Variants in CNNM2 observed in about 807,000 individuals in gnomAD.
The protein encoded by CNNM2 is metal transporter CNNM2.
Under a neutral mutation model 66.9 loss-of-function variants are expected in CNNM2, and 12 were observed. That is an observed-to-expected ratio of 0.18 (90% CI 0.11 to 0.29). The LOEUF is 0.29. CNNM2 is among the 10% of genes least tolerant of loss of function. The pLI is 1.00. For synonymous variants in CNNM2, 557 were observed against 501.8 expected (o/e 1.11, Z -1.47); for missense variants, 705 against 1,167.7 (o/e 0.60, Z 5.77).
Position 103,009,982 on chromosome 10 carries a change from G to A in CNNM2, c.1622-39725G>A, listed in dbSNP as rs749928311. ...ATTAGAGACAAAAATTGCGAAGAAC[G>A]TATTAAACTTCACTAATACAGATTA... On this transcript the variant is annotated intron_variant, in intron 1 of 7. Coordinates refer to ENST00000369878, the MANE Select transcript of CNNM2 (RefSeq NM_017649.5). 4.6e-5 allele frequency among the ~76,000 whole-genome samples: 7 copies of A among 151,298 alleles called. No homozygotes were observed. In the East Asian group the frequency reaches 1.2e-3, roughly 25 times the overall value.
intron 1 of CNNM2, among the ~76,000 whole-genome samples, chr10:102,982,199 G>A (rs2063730316): frequency 1.3e-5 from 2 of 152,128 alleles, no homozygotes; most frequent in African/African-American, 4.8e-5. Flanking sequence ...TATTAGGTAA[G>A]ATTCTCCTTT....
chr10:103,037,766 G>A (rs560462532), intron 1 of CNNM2, among the ~76,000 whole-genome samples: 3 of 152,238 alleles, frequency 2.0e-5, no homozygotes, highest in African/African-American at 7.2e-5. Flanking sequence ...GTTTAAATGC[G>A]ATTTGTAGAT....
At chr10:103,047,120 A>G (rs967193815) in intron 1 of CNNM2, among the ~76,000 whole-genome samples, 1 of 152,204 alleles carries the variant, frequency 6.6e-6, no homozygotes, top group African/African-American at 2.4e-5. Context: ...TTTGTTTTCA[A>G]ATAATAGAAT....
In CNNM2 at chr10:103,086,458, T is replaced by C. The variant is rs2065812975; in HGVS notation, c.*9278T>C. 3 of 123,348 alleles carry C rather than the reference T, an allele frequency of 2.4e-5. No individual in the cohort carries two copies. The highest frequency in any genetic ancestry group is 1.6e-4 in the Admixed American group (2 of 12,430). The allele number at this position is 123,348 out of a possible 1,614,324, so 7.6% of individuals were successfully genotyped here. On this transcript the variant is annotated 3_prime_UTR_variant, in exon 8 of 8. Coordinates refer to ENST00000369878, the MANE Select transcript of CNNM2 (RefSeq NM_017649.5). Reference sequence around the variant, plus strand: ...TCCTACCCTAATACAGACTTAAATATGTAGTTGTCTCAGGCTATTCGTGGT... The same window carrying C: ...TCCTACCCTAATACAGACTTAAATACGTAGTTGTCTCAGGCTATTCGTGGT...
At chr10:102,956,886 G>T (rs1438709160) in intron 1 of CNNM2, among the ~76,000 whole-genome samples, 1 of 152,158 alleles carries the variant, frequency 6.6e-6, no homozygotes, top group Admixed American at 6.6e-5. Context: ...TAATGTAAAC[G>T]ACGAGTTAAT....
intron 1 of CNNM2, among the ~76,000 whole-genome samples, chr10:102,989,920 C>T (rs1204658961): frequency 2.6e-5 from 4 of 151,728 alleles, no homozygotes; most frequent in Non-Finnish European, 4.4e-5. Context: ...ATAATTATAA[C>T]AGCCTCTTAC....
At chr10:102,977,090 A>G (rs1225446970) in intron 1 of CNNM2, among the ~76,000 whole-genome samples, 1 of 152,180 alleles carries the variant, frequency 6.6e-6, no homozygotes, top group Non-Finnish European at 1.5e-5. Context: ...AAAGACATTA[A>G]CATCTGTAAA....
intron 2 of CNNM2, among the ~76,000 whole-genome samples, chr10:103,052,253 C>T (rs1290337997): frequency 6.6e-6 from 1 of 150,454 alleles, no homozygotes; most frequent in East Asian, 2.0e-4. Context: ...TGCACTCCAG[C>T]CTGGCGACAG....
chr10:102,982,960 T>A (rs1289387609), intron 1 of CNNM2, among the ~76,000 whole-genome samples: 1 of 152,218 alleles, frequency 6.6e-6, no homozygotes, highest in Non-Finnish European at 1.5e-5. Flanking sequence ...GAACTGAATA[T>A]TAAAAACTAT....
At chr10:102,952,206 G>A (rs909255365) in intron 1 of CNNM2, among the ~76,000 whole-genome samples, 1 of 151,898 alleles carries the variant, frequency 6.6e-6, no homozygotes, top group African/African-American at 2.4e-5. Flanking sequence ...CTCCCAAAGG[G>A]CTGGGATTAT....
At chr10:102,932,408 A>G (rs1590268532) in intron 1 of CNNM2, among the ~76,000 whole-genome samples, 1 of 152,118 alleles carries the variant, frequency 6.6e-6, no homozygotes, top group Non-Finnish European at 1.5e-5. Flanking sequence ...ACCATTGCCT[A>G]ATCCAAGGTC....
At chr10:102,920,803 G>T (rs1845602453) in intron 1 of CNNM2, among the ~76,000 whole-genome samples, 1 of 152,152 alleles carries the variant, frequency 6.6e-6, no homozygotes, top group South Asian at 2.1e-4. Flanking sequence ...AAAGATTAGA[G>T]GTTAGCCAGC....
At chr10:103,037,600 A>C (rs979030301) in intron 1 of CNNM2, among the ~76,000 whole-genome samples, 4 of 151,810 alleles carry the variant, frequency 2.6e-5, no homozygotes, top group Non-Finnish European at 1.5e-5. Flanking sequence ...TGACTTAGAG[A>C]AGATAGATAG....
chr10:103,026,601 C>CAAAAA (rs887780071), intron 1 of CNNM2, among the ~76,000 whole-genome samples: 1 of 64,932 alleles, frequency 1.5e-5, no homozygotes, highest in Non-Finnish European at 2.9e-5. Context: ...ACCTTGTCTT[C>CAAAAA]AAAAAAAAAA....
At chr10:102,926,792 T>G (rs1845881628) in intron 1 of CNNM2, among the ~76,000 whole-genome samples, 1 of 146,762 alleles carries the variant, frequency 6.8e-6, no homozygotes, top group East Asian at 2.1e-4. Flanking sequence ...ATCGGCTCAC[T>G]GCAAGCTCCA....
rs1196966320 is a variant in CNNM2, at chr10:103,089,702, A to G, written c.*12522A>G. ...CTTCCTCCTCCTCCTCCTCTTCATCATCATCTTCGTCATGGCAGTGTGTAA... is the reference window on the plus strand; with the variant it reads ...CTTCCTCCTCCTCCTCCTCTTCATCGTCATCTTCGTCATGGCAGTGTGTAA... On this transcript the variant is annotated 3_prime_UTR_variant, in exon 8 of 8. Coordinates refer to ENST00000369878, the MANE Select transcript of CNNM2 (RefSeq NM_017649.5). 8.7e-6 allele frequency: 14 copies of G among 1,610,582 alleles called. No individual in the cohort carries two copies. The highest frequency in any genetic ancestry group is 8.0e-5 in the African/African-American group (6 of 74,638).
chr10:103,043,466 A>G (rs1338361493), intron 1 of CNNM2, among the ~76,000 whole-genome samples: 2 of 152,194 alleles, frequency 1.3e-5, no homozygotes, highest in East Asian at 3.8e-4. Flanking sequence ...TAATCATAAT[A>G]AAAACAGTTA....
chr10:103,025,564 G>A (rs1163047529), intron 1 of CNNM2, among the ~76,000 whole-genome samples: 2 of 152,222 alleles, frequency 1.3e-5, no homozygotes, highest in Non-Finnish European at 2.9e-5. Flanking sequence ...ATTGGAAGAT[G>A]GTGTTGCCAT....
chr10:102,920,561 C>G (rs897103662), intron 1 of CNNM2, among the ~76,000 whole-genome samples: 1 of 152,066 alleles, frequency 6.6e-6, no homozygotes, highest in African/African-American at 2.4e-5. Context: ...AGTCCTTTTT[C>G]TCCTCCTTAA....
Sources: gnomAD v4.1 joint callset for allele counts (sites outside exome capture counted in the v4.1 genomes callset) on GRCh38, gnomAD v4.1.1 for gene constraint, MANE v1.5 for transcripts, NCBI Gene and HGNC (gene_info 2026-07-23, HGNC 2026-07-21) for gene names.